Variants in RET observed in about 807,000 individuals in gnomAD.
The protein encoded by RET is ret proto-oncogene.
In RET, 19 loss-of-function variants were observed where a neutral mutation model predicts 118.3. That is an observed-to-expected ratio of 0.16 (90% confidence interval 0.11 to 0.24). The LOEUF (loss-of-function observed/expected upper bound fraction) is 0.24. Ranked by LOEUF, RET falls within the 10% of genes least tolerant of loss-of-function variation. The pLI is 1.00. For synonymous variants in RET, 597 were observed against 644.1 expected (o/e 0.93, Z 1.11); for missense variants, 1,219 against 1,502.1 (o/e 0.81, Z 3.12).
chr10:43,102,230 AC>A, intron 2 of RET, 111 bp from the exon 3 acceptor site: 1 of 1,366,870 alleles, frequency 7.3e-7, no homozygotes, highest in Non-Finnish European at 1.0e-6. Context: ...AGCCTTGTGG[AC>A]CTTGGTGGGG....
At position 43,109,197 on chromosome 10, in the gene RET, C is replaced by T. The variant is rs995081128; in HGVS notation, c.1230C>T (p.Leu410=). ...VSLHLPSTYS[L]SVSRRARRFA... is the part of the protein sequence containing the mutation. ...TGCACCTGCCCAGTACCTACTCCCT[C>T]TCCGTGAGCAGGAGGGCTCGCCGAT... Residue 410 remains leucine (L), a synonymous_variant, in exon 6 of 20, where the codon CTC becomes CTT. Coordinates refer to ENST00000355710, the MANE Select transcript of RET (RefSeq NM_020975.6). The T allele has an allele frequency of 1.2e-6, 2 of 1,613,648 alleles. No homozygotes were observed. The highest frequency in any genetic ancestry group is 2.7e-5 in the African/African-American group (2 of 74,936).
At chr10:43,125,008 A>C in intron 18 of RET, 26 bp downstream of exon 18, 1 of 1,609,922 alleles carries the variant, frequency 6.2e-7, no homozygotes, top group South Asian at 1.1e-5. Flanking sequence ...CAATTCCCAC[A>C]AGCTGAAAGT....
chr10:43,114,605 A>G lies in RET; in HGVS notation c.2005A>G (p.Ile669Val), dbSNP rs776986585. Reference sequence around the variant, plus strand: ...CCACAAGTTTGCCCACAAGCCACCCATCTCCTCAGCTGAGATGACCTTCCG... The same window carrying G: ...CCACAAGTTTGCCCACAAGCCACCCGTCTCCTCAGCTGAGATGACCTTCCG... ...CYHKFAHKPP[I>V]SSAEMTFRRP... The change falls in exon 11 of 20, where the codon ATC (isoleucine) becomes GTC (valine). Residue 669 changes from isoleucine to valine, a missense_variant. By Grantham distance (29) the Ile-to-Val change is conservative (BLOSUM62 3). Transcript: ENST00000355710. This position sits in a 1 kb window ranked among gnomAD's most constrained non-coding sequence, Gnocchi z 4.6. 1.7e-5 allele frequency: 28 copies of G among 1,611,802 alleles called. No individual in the cohort carries two copies. Among genetic ancestry groups the G allele is most frequent in the Non-Finnish European group, 2.3e-5 (27 of 1,179,692 alleles).
In RET at chr10:43,129,816, G is replaced by T; in HGVS notation, c.*1547G>T. On this transcript the variant is annotated 3_prime_UTR_variant, in exon 20 of 20. Transcript: ENST00000355710. ...CACCCAGAGGGAGAGTTTGAAAAATGCTTATTGGACACGTAACCTGGCTCT... is the reference window on the plus strand; with the variant it reads ...CACCCAGAGGGAGAGTTTGAAAAATTCTTATTGGACACGTAACCTGGCTCT... 1.2e-4 allele frequency: 43 copies of T among 357,854 alleles called. No homozygotes were observed. Among genetic ancestry groups the T allele is most frequent in the East Asian group, 6.2e-4 (13 of 20,910 alleles). The allele number at this position is 357,854 out of a possible 1,614,324, so 22.2% of individuals were successfully genotyped here.
intron 2 of RET, 70 bp from the exon 3 acceptor site, chr10:43,102,272 G>A: frequency 6.3e-7 from 1 of 1,591,808 alleles, no homozygotes; most frequent in Non-Finnish European, 8.6e-7. Flanking sequence ...TGGAGCTCCT[G>A]CCTCCTCCCC....
rs1351903863 is a variant in RET, at chr10:43,124,916, G to C, written c.2973G>C (p.Glu991Asp). Residue 991 changes from glutamate (E) to aspartate (D), a missense_variant, in exon 18 of 20, where the codon GAG (glutamate) becomes GAC (aspartate). By Grantham distance (45) the Glu-to-Asp change is conservative (BLOSUM62 2). Around this residue, in one of 5 missense-constraint regions of RET, gnomAD observed 174 missense variants for 179.3 expected, o/e 0.97. Coordinates refer to ENST00000355710, the MANE Select transcript of RET (RefSeq NM_020975.6). ...TGATGCTGCAATGCTGGAAGCAGGA[G>C]CCGGACAAAAGGCCGGTGTTTGCGG... Reference protein sequence around the residue: ...YRLMLQCWKQEPDKRPVFADI... With the variant: ...YRLMLQCWKQDPDKRPVFADI... The C allele has an allele frequency of 1.2e-6, 2 of 1,614,102 alleles. No individual in the cohort carries two copies. The highest frequency in any genetic ancestry group is 2.7e-5 in the African/African-American group (2 of 74,944).
chr10:43,112,794 G>A, intron 8 of RET, 59 bp from the exon 9 acceptor site: 1 of 1,346,386 alleles, frequency 7.4e-7, no homozygotes, highest in South Asian at 1.2e-5. Flanking sequence ...CCTAGGAGGT[G>A]GTGGGGGCGT....
rs1274762816 is a variant in RET at position 43,106,245 on chromosome 10, C to G, written c.868-131C>G. ...AACCCAGGTCAGACTGTCCCCAGAC[C>G]TGGCTCTGACAACACACATCTGGTC... is the stretch of plus-strand genomic sequence containing the variant. On this transcript the variant is annotated intron_variant, in intron 4 of 19. Transcript: ENST00000355710. The surrounding 1 kb of genome is among the most constrained non-coding windows in gnomAD (Gnocchi z 5.1). 1.1e-5 allele frequency: 10 copies of G among 933,700 alleles called. No homozygotes were observed. In the South Asian group the frequency reaches 1.4e-4, roughly 13 times the overall value. 57.8% of individuals were successfully genotyped at this position (933,700 alleles called of 1,614,324 possible). A position where few individuals can be genotyped will look rare whatever the true frequency, so the allele number is the denominator to read the frequency against.
chr10:43,122,149 GCCCTCTGCAATGACCCC>G (rs1359170493), intron 16 of RET, 133 bp downstream of exon 16: 2 of 782,980 alleles, frequency 2.6e-6, no homozygotes, highest in East Asian at 4.9e-5. Flanking sequence ...TGCAGTGCTA[GCCCTCTGCAATGACCCC>G]CTCACTGAGG....
intron 1 of RET, among the ~76,000 whole-genome samples, chr10:43,094,871 T>C (rs907540724): frequency 2.0e-5 from 3 of 152,196 alleles, no homozygotes; most frequent in Non-Finnish European, 2.9e-5. Flanking sequence ...CCGTGGTGTG[T>C]AATGGTATGC....
chr10:43,109,795 C>T (rs1233913666), intron 6 of RET, among the ~76,000 whole-genome samples: 2 of 133,982 alleles, frequency 1.5e-5, no homozygotes, highest in East Asian at 2.1e-4. Context: ...AATAAATATT[C>T]ATTAAAGAAG....
intron 18 of RET, among the ~76,000 whole-genome samples, chr10:43,126,057 C>T (rs1057403216): frequency 3.9e-5 from 6 of 152,202 alleles, no homozygotes; most frequent in Non-Finnish European, 8.8e-5. Context: ...CCTGACAGCG[C>T]TGTCAGATTT....
At position 43,109,242 on chromosome 10, in the gene RET, C is replaced by T. The variant is rs773450903; in HGVS notation, c.1263+12C>T. On this transcript the variant is annotated intron_variant, in intron 6 of 19. Transcript: ENST00000355710. ...GCCGATTTGCCCAGGTGAGCCCATA[C>T]CTATTGCCTGTCTGGGGAAGATTGA... The T allele has an allele frequency of 1.2e-6, 2 of 1,611,364 alleles. No individual in the cohort carries two copies. Among genetic ancestry groups the T allele is most frequent in the Non-Finnish European group, 1.7e-6 (2 of 1,179,694 alleles).
chr10:43,095,880 G>A (rs1837512447), intron 1 of RET, among the ~76,000 whole-genome samples: 1 of 152,246 alleles, frequency 6.6e-6, no homozygotes, highest in Non-Finnish European at 1.5e-5. Flanking sequence ...CCTGCATGGT[G>A]CCTGGGCACA....
At chr10:43,079,610 C>A (rs549042819) in intron 1 of RET, among the ~76,000 whole-genome samples, 1 of 152,212 alleles carries the variant, frequency 6.6e-6, no homozygotes, top group Non-Finnish European at 1.5e-5. Flanking sequence ...CCTCAGCAAG[C>A]CTCTTGTCTC....
intron 5 of RET, among the ~76,000 whole-genome samples, chr10:43,108,542 C>T (rs1381918199): frequency 6.6e-6 from 1 of 152,138 alleles, no homozygotes; most frequent in Admixed American, 6.5e-5. Flanking sequence ...CCTGTCATGG[C>T]CCAGAATTCT....
chr10:43,099,524 ATAAAT>A (rs1419612695), intron 1 of RET, among the ~76,000 whole-genome samples: 8 of 148,530 alleles, frequency 5.4e-5, no homozygotes, highest in African/African-American at 2.0e-4. Context: ...AAATAAATAA[ATAAAT>A]AAATAAATAA....
intron 3 of RET, among the ~76,000 whole-genome samples, chr10:43,104,466 A>G (rs1588865453): frequency 6.6e-6 from 1 of 152,194 alleles, no homozygotes; most frequent in African/African-American, 2.4e-5. Context: ...GCAGTGAGCC[A>G]AGATCGCGCC....
chr10:43,106,712 C>A lies in RET; in HGVS notation c.1063+141C>A. On this transcript the variant is annotated intron_variant, in intron 5 of 19. Coordinates refer to ENST00000355710, the MANE Select transcript of RET (RefSeq NM_020975.6). The surrounding 1 kb of genome is among the most constrained non-coding windows in gnomAD (Gnocchi z 5.1). Reference sequence around the variant, plus strand: ...AGCCACTTCCCCTCCACCCTCTGCCCAGCACTTCCTGTGTCTCTGCCAGGC... The same window carrying A: ...AGCCACTTCCCCTCCACCCTCTGCCAAGCACTTCCTGTGTCTCTGCCAGGC... 1 of 867,944 alleles carries A rather than the reference C, an allele frequency of 1.2e-6. No individual in the cohort carries two copies. The highest frequency in any genetic ancestry group is 1.8e-6 in the Non-Finnish European group (1 of 555,622). The allele number at this position is 867,944 out of a possible 1,614,324, so 53.8% of individuals were successfully genotyped here. A position where few individuals can be genotyped will look rare whatever the true frequency, so the allele number is the denominator to read the frequency against.
Sources: gnomAD v4.1 joint callset for allele counts (sites outside exome capture counted in the v4.1 genomes callset) on GRCh38, gnomAD v4.1.1 for gene constraint, gnomAD v4.1.1 regional missense constraint, Gnocchi (gnomAD v3.1) non-coding constraint, MANE v1.5 for transcripts, NCBI Gene and HGNC (gene_info 2026-07-23, HGNC 2026-07-21) for gene names.